DZIP3: variants seen among roughly 807,000 people sequenced by gnomAD.
The protein encoded by DZIP3 is E3 ubiquitin-protein ligase DZIP3.
In DZIP3, 118 loss-of-function variants were observed where a neutral mutation model predicts 162.0. The ratio of observed to expected loss-of-function variants is 0.73; its 90% confidence interval spans 0.63 to 0.85. The LOEUF (loss-of-function observed/expected upper bound fraction) is 0.85. DZIP3 is among the 40% of genes least tolerant of loss of function. The pLI is 0.00. For synonymous variants in DZIP3, 438 were observed against 458.6 expected, an observed-to-expected ratio of 0.96 and a Z score of 0.57; for missense variants, 1,331 against 1,407.0, an observed-to-expected ratio of 0.95 and a Z score of 0.86.
intron 19 of DZIP3, among the ~76,000 whole-genome samples, chr3:108,656,829 A>T (rs1372658032): frequency 6.6e-6 from 1 of 152,252 alleles, no homozygotes; most frequent in Non-Finnish European, 1.5e-5. Context: ...CAGCACAAGA[A>T]CTATGTGACG....
intron 28 of DZIP3, among the ~76,000 whole-genome samples, chr3:108,686,867 A>G (rs149493742): frequency 2.6e-5 from 4 of 152,276 alleles, no homozygotes; most frequent in Non-Finnish European, 4.4e-5. Flanking sequence ...AACTTACCCA[A>G]TTTTAATGGC....
intron 24 of DZIP3, among the ~76,000 whole-genome samples, chr3:108,675,222 G>A (rs1485643431): frequency 6.6e-6 from 1 of 151,902 alleles, no homozygotes; most frequent in Non-Finnish European, 1.5e-5. Context: ...CATTTGGTAG[G>A]CATGAGTTGA....
intron 28 of DZIP3, 90 bp from the exon 29 acceptor site, chr3:108,687,886 G>C (rs1045491159): frequency 1.3e-6 from 2 of 1,542,432 alleles, no homozygotes; most frequent in African/African-American, 2.7e-5. Context: ...TCAATCATGC[G>C]ATAGGATTTT....
At chr3:108,631,223 T>A (rs954748138) in intron 8 of DZIP3, among the ~76,000 whole-genome samples, 1 of 151,918 alleles carries the variant, frequency 6.6e-6, no homozygotes, top group South Asian at 2.1e-4. Flanking sequence ...TTTTCCTTCC[T>A]AGGGTTGCTT....
intron 21 of DZIP3, among the ~76,000 whole-genome samples, chr3:108,663,667 A>G (rs1191818980): frequency 6.6e-6 from 1 of 152,160 alleles, no homozygotes; most frequent in Non-Finnish European, 1.5e-5. Flanking sequence ...TTAGAAAAGC[A>G]TTGCCATCAA....
intron 8 of DZIP3, among the ~76,000 whole-genome samples, chr3:108,632,747 G>A (rs1240287846): frequency 1.3e-5 from 2 of 151,996 alleles, no homozygotes; most frequent in Admixed American, 1.3e-4. Context: ...AAGAAATCCC[G>A]TACTTCTAAT....
At chr3:108,636,560 G>A (rs1412977984) in intron 10 of DZIP3, 56 bp from the exon 11 acceptor site, 1 of 1,138,252 alleles carries the variant, frequency 8.8e-7, no homozygotes, top group Non-Finnish European at 1.2e-6. Flanking sequence ...AATATAATCA[G>A]ATTTGCACAT....
At chr3:108,666,510 A>C (rs1943683397) in intron 21 of DZIP3, among the ~76,000 whole-genome samples, 1 of 152,190 alleles carries the variant, frequency 6.6e-6, no homozygotes, top group Admixed American at 6.5e-5. Flanking sequence ...AAGGATATAG[A>C]AGACCTCAAT....
chr3:108,678,683 C>A (rs1379740922), intron 26 of DZIP3, among the ~76,000 whole-genome samples: 2 of 151,854 alleles, frequency 1.3e-5, no homozygotes, highest in Non-Finnish European at 2.9e-5. Context: ...TCCAAAAGAC[C>A]TTTTAAGAGG....
intron 1 of DZIP3, among the ~76,000 whole-genome samples, chr3:108,594,434 T>G (rs1939600921): frequency 1.4e-5 from 1 of 73,578 alleles, no homozygotes; most frequent in South Asian, 5.6e-4. Context: ...CCCTCCCTGC[T>G]CCCCCCCCAT....
chr3:108,649,059 T>C (rs562758421), intron 17 of DZIP3, 97 bp downstream of exon 17: 15 of 701,876 alleles, frequency 2.1e-5, no homozygotes, highest in African/African-American at 1.4e-4. Flanking sequence ...AGTAGACATA[T>C]AGCACAAATG....
At chr3:108,680,550 A>G (rs1944269402) in intron 26 of DZIP3, among the ~76,000 whole-genome samples, 1 of 152,142 alleles carries the variant, frequency 6.6e-6, no homozygotes, top group Non-Finnish European at 1.5e-5. Context: ...GCTACAAAAA[A>G]CAAAGATACC....
chr3:108,627,679 A>G (rs532423870), intron 7 of DZIP3, among the ~76,000 whole-genome samples: 3 of 152,258 alleles, frequency 2.0e-5, no homozygotes, highest in African/African-American at 7.2e-5. Flanking sequence ...ATATCAGTGT[A>G]CACTTCCCCA....
chr3:108,691,108 A>G (rs904917289), intron 32 of DZIP3: 5 of 506,608 alleles, frequency 9.9e-6, no homozygotes, highest in African/African-American at 7.8e-5. Flanking sequence ...TAATAGTTAC[A>G]CTATATATGC....
At chr3:108,643,694 C>T (rs112659393) in intron 13 of DZIP3, among the ~76,000 whole-genome samples, 17 of 151,374 alleles carry the variant, frequency 1.1e-4, no homozygotes, top group Middle Eastern at 3.2e-3. Flanking sequence ...TCACCCAAAC[C>T]GCATTTCCAA....
rs1434746009 is a variant in DZIP3, at chr3:108,688,075, T to G, written c.3249T>G (p.Phe1083Leu). 1 of 1,613,592 alleles carries G rather than the reference T, an allele frequency of 6.2e-7. No individual in the cohort carries two copies. Among genetic ancestry groups the G allele is most frequent in the East Asian group, 2.2e-5 (1 of 44,754 alleles). The change falls in exon 29 of 33, where the codon TTT (phenylalanine) becomes TTG (leucine). Residue 1083 changes from phenylalanine to leucine, a missense_variant. By Grantham distance (22) the Phe-to-Leu change is conservative. This residue lies in a region of DZIP3 where 1,278 missense variants were observed against 1,317.1 expected (regional missense o/e 0.97). Coordinates refer to ENST00000361582, the MANE Select transcript of DZIP3 (RefSeq NM_014648.4). Reference protein sequence around the residue: ...FDEIVCKISQFIDPKKSQSQG... With the variant: ...FDEIVCKISQLIDPKKSQSQG... ...AAATTGTTTGCAAGATTTCCCAGTT[T>G]ATTGACCCCAAAAAGTCTCAGGTAA...
chr3:108,669,791 C>T, intron 22 of DZIP3, 42 bp downstream of exon 22: 1 of 1,441,784 alleles, frequency 6.9e-7, no homozygotes, highest in South Asian at 1.2e-5. Context: ...CTCTCTGAAA[C>T]TGTATTTCAC....
chr3:108,620,055 A>G (rs977877147), intron 5 of DZIP3, among the ~76,000 whole-genome samples: 1 of 152,182 alleles, frequency 6.6e-6, no homozygotes, highest in Non-Finnish European at 1.5e-5. Context: ...TGTGATAAGG[A>G]TACATAGTAG....
At chr3:108,593,421 A>T (rs1210902662) in intron 1 of DZIP3, among the ~76,000 whole-genome samples, 2 of 151,326 alleles carry the variant, frequency 1.3e-5, no homozygotes, top group Admixed American at 1.3e-4. Flanking sequence ...TTTATTCAGG[A>T]TTTTATTATA....
Sources: gnomAD v4.1 joint callset for allele counts (sites outside exome capture counted in the v4.1 genomes callset) on GRCh38, gnomAD v4.1.1 for gene constraint, gnomAD v4.1.1 regional missense constraint, MANE v1.5 for transcripts, NCBI Gene and HGNC (gene_info 2026-07-23, HGNC 2026-07-21) for gene names.